Variants in STK39 observed in about 807,000 individuals in gnomAD.
The protein encoded by STK39 is serine/threonine kinase 39.
Under a neutral mutation model 77.8 loss-of-function variants are expected in STK39, and 20 were observed. The observed-to-expected ratio is 0.26, with a 90% CI of 0.18 to 0.37. STK39 has a LOEUF of 0.37. Among genes scored for constraint, STK39 ranks in the 10% least tolerant of loss-of-function variants. The pLI is 1.00. For missense variants in STK39, 479 were observed against 656.5 expected, an observed-to-expected ratio of 0.73 and a Z score of 2.95; for synonymous variants, 246 against 234.1, an observed-to-expected ratio of 1.05 and a Z score of -0.47.
chr2:168,030,313 TTAAAGA>T (rs1327061124), intron 14 of STK39, among the ~76,000 whole-genome samples: 1 of 152,168 alleles, frequency 6.6e-6, no homozygotes, highest in Non-Finnish European at 1.5e-5. Flanking sequence ...CTTAAAAGTT[TTAAAGA>T]TGTGTGTGAT....
At chr2:168,050,789 G>C (rs997779544) in intron 14 of STK39, among the ~76,000 whole-genome samples, 1 of 152,190 alleles carries the variant, frequency 6.6e-6, no homozygotes, top group Non-Finnish European at 1.5e-5. Flanking sequence ...AAGCCACTAA[G>C]TAAATGGTAA....
chr2:168,006,192 G>A (rs1294502981), intron 16 of STK39, among the ~76,000 whole-genome samples: 7 of 152,160 alleles, frequency 4.6e-5, no homozygotes, highest in East Asian at 1.9e-4. Context: ...CTTCTCTTCC[G>A]GTGTATACAC....
chr2:168,013,620 G>T (rs527968544), intron 15 of STK39, among the ~76,000 whole-genome samples: 1 of 152,172 alleles, frequency 6.6e-6, no homozygotes, highest in Non-Finnish European at 1.5e-5. Context: ...CACTCTAGAC[G>T]GGGGTTTGAC....
chr2:168,152,277 C>T (rs1277486631), intron 5 of STK39, among the ~76,000 whole-genome samples: 1 of 152,204 alleles, frequency 6.6e-6, no homozygotes, highest in Non-Finnish European at 1.5e-5. Flanking sequence ...TTTAAAGATG[C>T]TCTGGTAAAA....
chr2:168,054,932 T>A (rs1685485895), intron 14 of STK39, among the ~76,000 whole-genome samples: 3 of 152,244 alleles, frequency 2.0e-5, no homozygotes, highest in Admixed American at 2.0e-4. Flanking sequence ...ATTTATCACC[T>A]TCTACCTTAT....
chr2:168,224,540 A>G (rs560910138), intron 1 of STK39, among the ~76,000 whole-genome samples: 6 of 152,192 alleles, frequency 3.9e-5, no homozygotes, highest in Non-Finnish European at 7.3e-5. Context: ...TCAACTCCTC[A>G]CCAAAGCAAT....
chr2:168,046,303 T>C (rs796353071), intron 14 of STK39, among the ~76,000 whole-genome samples: 37 of 152,020 alleles, frequency 2.4e-4, no homozygotes, highest in Middle Eastern at 3.4e-3. Flanking sequence ...GAGGTGGAGG[T>C]TGCAGTAAGC....
chr2:167,960,916 G>C lies in STK39; in HGVS notation c.1563+3746C>G, dbSNP rs115330788. ...GGAGGGCTTGTTAAAACGGATGCCT[G>C]TGTCCCAGCCCCCAAGAGATTCTCA... On this transcript the variant is annotated intron_variant, in intron 17 of 17. Coordinates refer to ENST00000355999, the MANE Select transcript of STK39 (RefSeq NM_013233.3). Among the ~76,000 whole-genome samples, 1,125 of 152,206 alleles carry C rather than the reference G, an allele frequency of 7.4e-3. 20 individuals are homozygous for C. Among genetic ancestry groups the C allele is most frequent in the African/African-American group, 0.026 (1,076 of 41,522 alleles).
intron 14 of STK39, among the ~76,000 whole-genome samples, chr2:168,041,860 G>A (rs1054524112): frequency 6.6e-6 from 1 of 152,186 alleles, no homozygotes; most frequent in African/African-American, 2.4e-5. Flanking sequence ...TCTAAGGAGT[G>A]TCAATCTAAG....
intron 14 of STK39, among the ~76,000 whole-genome samples, chr2:168,046,282 CT>C (rs1426275807): frequency 6.6e-6 from 1 of 152,202 alleles, no homozygotes; most frequent in Non-Finnish European, 1.5e-5. Context: ...AGGAGAATTG[CT>C]TGAACCTGAG....
chr2:168,239,403 C>G (rs1401215057), intron 1 of STK39, among the ~76,000 whole-genome samples: 1 of 152,266 alleles, frequency 6.6e-6, no homozygotes, highest in Non-Finnish European at 1.5e-5. Context: ...AAGGCCACCT[C>G]TCAGTCCTAA....
intron 5 of STK39, among the ~76,000 whole-genome samples, chr2:168,145,486 C>G (rs959321672): frequency 6.6e-6 from 1 of 152,048 alleles, no homozygotes; most frequent in East Asian, 1.9e-4. Context: ...AATGTAGACC[C>G]AGGATTGCTG....
chr2:168,167,420 C>A lies in STK39; in HGVS notation c.322-13G>T, dbSNP rs758762936. On this transcript the variant is annotated splice_polypyrimidine_tract_variant and intron_variant, in intron 2 of 17. Transcript: ENST00000355999. ...CTTGAATTTCTTTCTATAAAAAGAG[C>A]AAAACATGACATAGTACCATGGGGT... 7 of 1,608,598 alleles carry A rather than the reference C, an allele frequency of 4.4e-6. No individual in the cohort carries two copies. Among genetic ancestry groups the A allele is most frequent in the Admixed American group, 3.3e-5 (2 of 59,966 alleles).
At chr2:168,185,025 A>T (rs1689173536) in intron 1 of STK39, among the ~76,000 whole-genome samples, 1 of 152,238 alleles carries the variant, frequency 6.6e-6, no homozygotes, top group African/African-American at 2.4e-5. Flanking sequence ...AAGCTAAAAA[A>T]TGTGGGGCTT....
intron 1 of STK39, among the ~76,000 whole-genome samples, chr2:168,209,141 CT>C (rs1354884277): frequency 6.6e-6 from 1 of 152,138 alleles, no homozygotes; most frequent in Non-Finnish European, 1.5e-5. Flanking sequence ...GATTCTACCC[CT>C]TTCCTTTGCA....
intron 12 of STK39, among the ~76,000 whole-genome samples, chr2:168,070,546 T>C (rs1299570332): frequency 6.6e-6 from 1 of 151,716 alleles, no homozygotes; most frequent in Non-Finnish European, 1.5e-5. Context: ...GCTGCACCCA[T>C]TAACTCGTCA....
At chr2:168,052,256 C>T (rs1685417948) in intron 14 of STK39, among the ~76,000 whole-genome samples, 1 of 152,148 alleles carries the variant, frequency 6.6e-6, no homozygotes, top group South Asian at 2.1e-4. Flanking sequence ...GCCTGCTGGA[C>T]TGATCGTTTG....
In STK39 at chr2:167,955,398, TGA is replaced by T. The variant is rs1691735739; in HGVS notation, c.*96_*97del. The T allele has an allele frequency of 1.8e-6, 2 of 1,138,112 alleles. No individual in the cohort carries two copies. The highest frequency in any genetic ancestry group is 2.5e-6 in the Non-Finnish European group (2 of 795,786). 70.5% of individuals were successfully genotyped at this position (1,138,112 alleles called of 1,614,324 possible). A position where few individuals can be genotyped will look rare whatever the true frequency, so the allele number is the denominator to read the frequency against. On this transcript the variant is annotated 3_prime_UTR_variant, in exon 18 of 18. Transcript: ENST00000355999. ...TTCTGATTTTGCTAGGAAATGGGAG[TGA>T]GGGGGTGGGAGGAAATGGGCAGAAA...
intron 1 of STK39, among the ~76,000 whole-genome samples, chr2:168,190,923 A>G (rs1689323540): frequency 6.6e-6 from 1 of 152,224 alleles, no homozygotes; most frequent in Non-Finnish European, 1.5e-5. Flanking sequence ...AATGGAAGCC[A>G]AACATTCCAC....
Sources: gnomAD v4.1 joint callset for allele counts (sites outside exome capture counted in the v4.1 genomes callset) on GRCh38, gnomAD v4.1.1 for gene constraint, MANE v1.5 for transcripts, NCBI Gene and HGNC (gene_info 2026-07-23, HGNC 2026-07-21) for gene names.